Variants in ARK2C observed in about 807,000 individuals in gnomAD.
ARK2C encodes the protein E3 ubiquitin-protein ligase ARK2C.
the ARK2C span, among the ~76,000 whole-genome samples, chr18:46,406,884 G>T: frequency 6.6e-6 from 1 of 152,056 alleles, no homozygotes; most frequent in South Asian, 2.1e-4. Context: ...CTCTAGCCCA[G>T]AATCCTTACC....
At chr18:46,419,128 G>C in the ARK2C span, among the ~76,000 whole-genome samples, 7 of 152,206 alleles carry the variant, frequency 4.6e-5, no homozygotes, top group Non-Finnish European at 8.8e-5. Context: ...TGCTTCTGTT[G>C]ACAGGCTGCC....
At chr18:46,415,565 A>C in the ARK2C span, among the ~76,000 whole-genome samples, 1 of 151,812 alleles carries the variant, frequency 6.6e-6, no homozygotes, top group Admixed American at 6.6e-5. Context: ...TAAAAATAAA[A>C]AAGTTGCTGA....
chr18:46,387,835 G>C, the ARK2C span, among the ~76,000 whole-genome samples: 3 of 152,230 alleles, frequency 2.0e-5, no homozygotes, highest in Non-Finnish European at 4.4e-5. Context: ...GACCTTAGGG[G>C]TTATTTAGTT....
the ARK2C span, chr18:46,456,464 C>T: frequency 1.5e-5 from 20 of 1,293,686 alleles, no homozygotes; most frequent in Admixed American, 1.5e-4. Flanking sequence ...GTCCCTGCTC[C>T]GCTCAGTGTC....
chr18:46,458,709 C>T, the ARK2C span: 1 of 152,254 alleles, frequency 6.6e-6, no homozygotes, highest in African/African-American at 2.4e-5. Context: ...GGAGATTTCT[C>T]CCAGCACTAA....
the ARK2C span, among the ~76,000 whole-genome samples, chr18:46,354,043 C>T: frequency 6.6e-6 from 1 of 152,218 alleles, no homozygotes; most frequent in Non-Finnish European, 1.5e-5. Flanking sequence ...TCAGTCTCCA[C>T]TCTCACTCTA....
the ARK2C span, among the ~76,000 whole-genome samples, chr18:46,420,195 A>T: frequency 6.6e-6 from 1 of 152,110 alleles, no homozygotes; most frequent in Non-Finnish European, 1.5e-5. Flanking sequence ...CTTAAAACGT[A>T]ACCACTCCTG....
chr18:46,447,820 G>T, the ARK2C span: 19 of 1,063,994 alleles, frequency 1.8e-5, no homozygotes, highest in Middle Eastern at 1.0e-3. Flanking sequence ...CTGTGCCCCG[G>T]CTTCCACATG....
At chr18:46,356,789 G>C in the ARK2C span, among the ~76,000 whole-genome samples, 1 of 152,108 alleles carries the variant, frequency 6.6e-6, no homozygotes, top group Non-Finnish European at 1.5e-5. Context: ...TCTTCTCCCC[G>C]CAGCTTCCTG....
chr18:46,336,384 C>CA, the ARK2C span: 95 of 980,948 alleles, frequency 9.7e-5, no homozygotes, highest in Middle Eastern at 1.0e-3. Context: ...CCCCCCCCAA[C>CA]AAAAAAAAAT....
the ARK2C span, among the ~76,000 whole-genome samples, chr18:46,436,972 A>G: frequency 6.6e-6 from 1 of 152,142 alleles, no homozygotes; most frequent in Non-Finnish European, 1.5e-5. Context: ...CATAGGTGGG[A>G]CTCATCCTGG....
the ARK2C span, chr18:46,386,704 C>A: frequency 6.6e-6 from 1 of 152,190 alleles, no homozygotes; most frequent in Admixed American, 6.5e-5. Flanking sequence ...TGGCAGCTGT[C>A]CTTTCAGTGG....
At chr18:46,375,342 C>T in the ARK2C span, among the ~76,000 whole-genome samples, 21 of 152,068 alleles carry the variant, frequency 1.4e-4, no homozygotes, top group East Asian at 4.1e-3. Context: ...CACTTGAGCC[C>T]AGGAGTTCAA....
the ARK2C span, among the ~76,000 whole-genome samples, chr18:46,342,345 A>T: frequency 6.6e-6 from 1 of 152,248 alleles, no homozygotes; most frequent in African/African-American, 2.4e-5. Flanking sequence ...CTTTCCCGCC[A>T]TAGCTGGTGG....
At chr18:46,435,156 T>C in the ARK2C span, 2 of 673,182 alleles carry the variant, frequency 3.0e-6, no homozygotes, top group African/African-American at 3.6e-5. Context: ...AGCTCAGTGC[T>C]TGCTAGACTG....
chr18:46,418,575 G>A, the ARK2C span, among the ~76,000 whole-genome samples: 1 of 152,282 alleles, frequency 6.6e-6, no homozygotes, highest in Admixed American at 6.5e-5. Flanking sequence ...ATACAGGACA[G>A]GACAGAACTA....
chr18:46,432,467 T>G, the ARK2C span, among the ~76,000 whole-genome samples: 1 of 152,158 alleles, frequency 6.6e-6, no homozygotes, highest in South Asian at 2.1e-4. Flanking sequence ...ATGGATTGAG[T>G]CCTGGCTGGC....
At chr18:46,371,852 G>T in the ARK2C span, among the ~76,000 whole-genome samples, 1 of 152,346 alleles carries the variant, frequency 6.6e-6, no homozygotes, top group East Asian at 1.9e-4. Flanking sequence ...CTATTGTACT[G>T]CAGCATCCTC....
the ARK2C span, among the ~76,000 whole-genome samples, chr18:46,392,618 A>T: frequency 1.3e-5 from 2 of 152,122 alleles, no homozygotes; most frequent in Non-Finnish European, 2.9e-5. Flanking sequence ...GGGTCAGTTC[A>T]TGGGGAAGAC....
Sources: allele counts gnomAD v4.1 joint callset (sites outside exome capture counted in the v4.1 genomes callset), GRCh38; gene constraint gnomAD v4.1.1; transcripts MANE v1.5; gene names NCBI Gene and HGNC (gene_info 2026-07-23, HGNC 2026-07-21).